Variants in LMO7 observed in about 807,000 individuals in gnomAD.
LMO7 encodes the protein LIM domain 7.
Under a neutral mutation model 206.5 loss-of-function variants are expected in LMO7, and 120 were observed. The observed-to-expected ratio is 0.58, with a 90% CI of 0.50 to 0.68. The LOEUF is 0.68. Ranked by LOEUF, LMO7 falls within the 30% of genes least tolerant of loss-of-function variation. The pLI is 0.00. For synonymous variants in LMO7, 706 were observed against 681.5 expected (o/e 1.04, Z -0.56); for missense variants, 1,959 against 1,957.9 (o/e 1.00, Z -0.01).
intron 10 of LMO7, among the ~76,000 whole-genome samples, chr13:75,808,853 T>A (rs2055913280): frequency 6.6e-6 from 1 of 152,202 alleles, no homozygotes; most frequent in East Asian, 1.9e-4. Flanking sequence ...CAAATCTGAT[T>A]AGGTTGAATA....
At chr13:75,632,862 G>GTTTTTTTTTTCTTTTTTTTTTTTT (rs2035138167), upstream of LMO7, among the ~76,000 whole-genome samples, 1 of 102,138 alleles carries the variant, frequency 9.8e-6, no homozygotes, top group Admixed American at 1.2e-4. Flanking sequence ...TTACTTAAAA[G>GTTTTTTTTTTCTTTTTTTTTTTTT]TTTTTTTTTT....
At chr13:75,666,759 A>G (rs1031297884) in intron 1 of LMO7, among the ~76,000 whole-genome samples, 15 of 152,230 alleles carry the variant, frequency 9.9e-5, no homozygotes, top group African/African-American at 3.6e-4. Context: ...TCTTGAATGC[A>G]GTAGGAAGTC....
At chr13:75,857,871 C>G in intron 30 of LMO7, 50 bp from the exon 31 acceptor site, 1 of 1,368,650 alleles carries the variant, frequency 7.3e-7, no homozygotes, top group Non-Finnish European at 1.0e-6. Context: ...TGGCAATATT[C>G]ACGTTTCTGA....
chr13:75,859,037 T>G lies in LMO7; in HGVS notation c.*1094T>G, dbSNP rs1289811929. 6.6e-6 allele frequency: 1 copy of G among 152,168 alleles called. No individual in the cohort carries two copies. The highest frequency in any genetic ancestry group is 1.5e-5 in the Non-Finnish European group (1 of 68,016). 9.4% of individuals were successfully genotyped at this position (152,168 alleles called of 1,614,324 possible). A position where few individuals can be genotyped will look rare whatever the true frequency, so the allele number is the denominator to read the frequency against. On this transcript the variant is annotated 3_prime_UTR_variant, in exon 31 of 31. Transcript: ENST00000377534. Reference sequence around the variant, plus strand: ...ATAAAAGGAGAAGACAACAGTGAGCTTAGAATATCTATAAAGCAAAAAATG... The same window carrying G: ...ATAAAAGGAGAAGACAACAGTGAGCGTAGAATATCTATAAAGCAAAAAATG...
intron 4 of LMO7, among the ~76,000 whole-genome samples, chr13:75,785,567 T>C (rs536396287): frequency 7.2e-5 from 11 of 152,308 alleles, no homozygotes; most frequent in Non-Finnish European, 1.5e-4. Context: ...TTAAGATTTT[T>C]AAACTGTTCT....
chr13:75,813,862 CT>C (rs879369969), intron 11 of LMO7, among the ~76,000 whole-genome samples: 26 of 152,272 alleles, frequency 1.7e-4, no homozygotes, highest in African/African-American at 6.3e-4. Flanking sequence ...TATTAGCATC[CT>C]TTTTTGTTTT....
chr13:75,721,818 A>G (rs753287104), intron 2 of LMO7, among the ~76,000 whole-genome samples: 1 of 152,162 alleles, frequency 6.6e-6, no homozygotes, highest in Non-Finnish European at 1.5e-5. Context: ...ACTTATTTTG[A>G]TAAGTCATTG....
Position 75,840,487 on chromosome 13 carries a change from C to T in LMO7, c.3574C>T (p.Leu1192=), listed in dbSNP as rs767281896. 4 of 1,613,654 alleles carry T rather than the reference C, an allele frequency of 2.5e-6. No homozygotes were observed. The African/African-American group carries it at 5.3e-5, about 22-fold the overall frequency. The change falls in exon 22 of 31, where the codon CTA becomes TTA. Residue 1192 remains leucine, a synonymous_variant. Coordinates refer to ENST00000377534, the MANE Select transcript of LMO7 (RefSeq NM_001306080.2). ...QERWQKEQDR[L]LQEKYQREQE... ...GAGGTGGCAGAAGGAGCAGGACCGC[C>T]TACTGCAGGTAGCTCTGGCTCACGT...
intron 1 of LMO7, among the ~76,000 whole-genome samples, chr13:75,682,954 G>A (rs1423262827): frequency 6.6e-6 from 1 of 151,748 alleles, no homozygotes; most frequent in African/African-American, 2.4e-5. Flanking sequence ...CAGATTATTT[G>A]TTTGCCCATC....
At chr13:75,646,033 C>T (rs1280457199) in intron 1 of LMO7, among the ~76,000 whole-genome samples, 3 of 152,200 alleles carry the variant, frequency 2.0e-5, no homozygotes, top group African/African-American at 4.8e-5. Flanking sequence ...AAGCATGTCA[C>T]GCTCAGTGGG....
At chr13:75,671,550 C>T (rs768736673) in intron 1 of LMO7, among the ~76,000 whole-genome samples, 8 of 152,248 alleles carry the variant, frequency 5.3e-5, no homozygotes, top group Non-Finnish European at 1.2e-4. Context: ...CCCTTCTCTC[C>T]CAAGCCAGTT....
At chr13:75,835,408 AAAT>A in intron 18 of LMO7, 69 bp downstream of exon 18, 2 of 966,836 alleles carry the variant, frequency 2.1e-6, no homozygotes, top group Non-Finnish European at 3.0e-6. Context: ...GTATGGAAGA[AAAT>A]AATTTCTTTT....
rs76719462 is a variant in LMO7 at position 75,707,961 on chromosome 13, C to T, written c.70-5221C>T. On this transcript the variant is annotated intron_variant, in intron 1 of 30. Coordinates refer to ENST00000377534, the MANE Select transcript of LMO7 (RefSeq NM_001306080.2). ...ATGGATAGTTGGGTTTTCTGAATAG[C>T]TTTGAATATTCCATTTTGCCCACTT... Among the ~76,000 whole-genome samples the T allele has an allele frequency of 9.4e-3, 1,423 of 152,098 alleles. 24 individuals carry two copies. Among genetic ancestry groups the T allele is most frequent in the East Asian group, 0.056 (289 of 5,164 alleles).
At chr13:75,672,627 G>T (rs563273471) in intron 1 of LMO7, among the ~76,000 whole-genome samples, 1 of 152,058 alleles carries the variant, frequency 6.6e-6, no homozygotes, top group Non-Finnish European at 1.5e-5. Flanking sequence ...GCATGTGTGC[G>T]GTTCCAACAG....
intron 4 of LMO7, chr13:75,788,982 AG>A (rs2052860727): frequency 6.6e-6 from 1 of 152,002 alleles, no homozygotes; most frequent in South Asian, 2.1e-4. Flanking sequence ...TTCTGGTAGC[AG>A]GGTGGAGTTT....
At chr13:75,731,726 G>C (rs565046463) in intron 3 of LMO7, among the ~76,000 whole-genome samples, 8 of 152,162 alleles carry the variant, frequency 5.3e-5, no homozygotes, top group African/African-American at 1.9e-4. Context: ...TCCTAGTCTC[G>C]ATGGTCTTTA....
At chr13:75,725,701 A>G (rs1373697461) in intron 2 of LMO7, among the ~76,000 whole-genome samples, 1 of 152,088 alleles carries the variant, frequency 6.6e-6, no homozygotes, top group African/African-American at 2.4e-5. Flanking sequence ...GAAATTAGGT[A>G]TCATGGAATA....
intron 1 of LMO7, among the ~76,000 whole-genome samples, chr13:75,697,013 G>A (rs1005009835): frequency 1.3e-5 from 2 of 152,084 alleles, no homozygotes; most frequent in East Asian, 3.9e-4. Flanking sequence ...TACCTTATGG[G>A]CCAAACAACA....
Position 75,823,803 on chromosome 13 carries a change from C to T in LMO7, c.2879C>T (p.Ser960Phe). Residue 960 changes from serine to phenylalanine, a missense_variant, in exon 15 of 31, where the codon TCT (serine) becomes TTT (phenylalanine). Transcript: ENST00000377534. The stretch of plus-strand genomic sequence containing the variant: ...TCTAAAGCCACATTGTCTTCCACAT[C>T]TGGTCTTGATTTAATGTCTGAATCT... ...ATSKATLSST[S>F]GLDLMSESGE... 6.2e-7 allele frequency: 1 copy of T among 1,614,114 alleles called. No homozygotes were observed.
Sources: allele counts gnomAD v4.1 joint callset (sites outside exome capture counted in the v4.1 genomes callset), GRCh38; gene constraint gnomAD v4.1.1; transcripts MANE v1.5; gene names NCBI Gene and HGNC (gene_info 2026-07-23, HGNC 2026-07-21).